TLE1: variants seen among roughly 807,000 people sequenced by gnomAD.
TLE1 encodes transducin-like enhancer protein 1.
In TLE1, 21 loss-of-function variants were observed where a neutral mutation model predicts 89.8. The observed-to-expected ratio is 0.23, with a 90% confidence interval of 0.17 to 0.34. The LOEUF (loss-of-function observed/expected upper bound fraction) is 0.34, where lower values mean the gene tolerates loss of function less well. TLE1 is among the 10% of genes least tolerant of loss of function. The pLI, the probability that TLE1 is intolerant of heterozygous loss-of-function variation, is 1.00. For synonymous variants in TLE1, 447 were observed against 407.6 expected (o/e 1.10, Z -1.16); for missense variants, 795 against 1,031.2 (o/e 0.77, Z 3.14).
At chr9:81,685,788 C>T in intron 3 of TLE1, 45 bp downstream of exon 3, 1 of 1,612,448 alleles carries the variant, frequency 6.2e-7, no homozygotes, top group Admixed American at 1.7e-5. Context: ...AACACGTTTG[C>T]TAATATCATA....
At position 81,587,673 on chromosome 9, in the gene TLE1, T is replaced by C. The variant is rs1564103397; in HGVS notation, c.1977+8A>G. ...AGACTCCAGGGCAGGCGGAAGCCAC[T>C]CAGTCACCTGGGAGGTGAAGTCGTG... is the stretch of plus-strand genomic sequence containing the variant. On this transcript the variant is annotated splice_region_variant and intron_variant, in intron 17 of 19. Transcript: ENST00000376499. The C allele has an allele frequency of 6.2e-7, 1 of 1,607,374 alleles. No homozygotes were observed. Among genetic ancestry groups the C allele is most frequent in the East Asian group, 2.2e-5 (1 of 44,778 alleles).
At chr9:81,639,552 T>C (rs1188688004) in intron 6 of TLE1, among the ~76,000 whole-genome samples, 1 of 152,022 alleles carries the variant, frequency 6.6e-6, no homozygotes, top group Non-Finnish European at 1.5e-5. Flanking sequence ...ATGCAAAAGT[T>C]TGTAAAGTGA....
intron 6 of TLE1, among the ~76,000 whole-genome samples, chr9:81,650,622 A>G (rs1490967821): frequency 1.3e-5 from 2 of 152,192 alleles, no homozygotes; most frequent in Admixed American, 6.5e-5. Context: ...AGGGTACAGA[A>G]GGCAGCAGAC....
intron 8 of TLE1, among the ~76,000 whole-genome samples, chr9:81,628,008 C>G (rs1250100799): frequency 6.6e-6 from 1 of 152,122 alleles, no homozygotes; most frequent in African/African-American, 2.4e-5. Flanking sequence ...CACTTGAAGC[C>G]AGGAATTCGA....
chr9:81,637,416 T>C (rs557888746), intron 6 of TLE1, among the ~76,000 whole-genome samples: 40 of 152,298 alleles, frequency 2.6e-4, no homozygotes, highest in African/African-American at 9.6e-4. Context: ...GAAGAGGTGA[T>C]GGCTTACATA....
chr9:81,601,287 C>T (rs916554635), intron 14 of TLE1, among the ~76,000 whole-genome samples: 1 of 152,212 alleles, frequency 6.6e-6, no homozygotes, highest in African/African-American at 2.4e-5. Flanking sequence ...GAAAGGGTCT[C>T]TAATCACTGC....
chr9:81,589,528 G>A (rs746970030), intron 16 of TLE1, among the ~76,000 whole-genome samples: 13 of 152,104 alleles, frequency 8.5e-5, no homozygotes, highest in African/African-American at 1.9e-4. Flanking sequence ...CCCAGGAGCC[G>A]GCACGGAGCA....
At chr9:81,625,905 A>C (rs1309326999) in intron 8 of TLE1, among the ~76,000 whole-genome samples, 2 of 111,440 alleles carry the variant, frequency 1.8e-5, no homozygotes, top group African/African-American at 7.0e-5. Flanking sequence ...TAACCTCAGA[A>C]ACTACTAAAA....
At chr9:81,645,855 T>G (rs1372875097) in intron 6 of TLE1, among the ~76,000 whole-genome samples, 1 of 152,250 alleles carries the variant, frequency 6.6e-6, no homozygotes, top group African/African-American at 2.4e-5. Context: ...ACATCTCCTG[T>G]ACCTCATAAA....
intron 17 of TLE1, 147 bp from the exon 18 acceptor site, chr9:81,585,802 C>T: frequency 1.1e-6 from 1 of 950,826 alleles, no homozygotes; most frequent in Non-Finnish European, 1.5e-6. Context: ...GGCAAGTGAT[C>T]TAACGCAGAT....
At chr9:81,590,736 G>A in intron 16 of TLE1, 69 bp downstream of exon 16, 1 of 1,565,520 alleles carries the variant, frequency 6.4e-7, no homozygotes, top group Non-Finnish European at 8.7e-7. Flanking sequence ...GGCAGCCAGA[G>A]AGAAGCAGAG....
chr9:81,662,339 TGTTA>T (rs1564048638), intron 4 of TLE1, among the ~76,000 whole-genome samples: 1 of 150,124 alleles, frequency 6.7e-6, no homozygotes, highest in South Asian at 2.1e-4. Context: ...GGAGACACGG[TGTTA>T]GTATTAGTGT....
intron 17 of TLE1, among the ~76,000 whole-genome samples, chr9:81,586,063 G>A (rs11139332): frequency 0.086 from 12,767 of 148,724 alleles, 737 homozygotes; most frequent in Admixed American, 0.12. Context: ...TGTCGCCCAG[G>A]CTGGAGTGAA....
intron 4 of TLE1, among the ~76,000 whole-genome samples, chr9:81,659,723 C>T (rs1485919937): frequency 6.6e-6 from 1 of 152,150 alleles, no homozygotes; most frequent in Admixed American, 6.5e-5. Flanking sequence ...GGGTTTGCAT[C>T]TTGGCAAACT....
intron 6 of TLE1, among the ~76,000 whole-genome samples, chr9:81,647,537 G>A (rs1172456571): frequency 6.6e-6 from 1 of 152,168 alleles, no homozygotes; most frequent in Non-Finnish European, 1.5e-5. Context: ...AGACAAAGGA[G>A]GAGGTGCACT....
At chr9:81,615,378 A>G (rs140929076) in intron 11 of TLE1, among the ~76,000 whole-genome samples, 36 of 151,224 alleles carry the variant, frequency 2.4e-4, no homozygotes, top group African/African-American at 8.5e-4. Flanking sequence ...GTCAACTGGG[A>G]AGTTTCAGAG....
chr9:81,687,063 G>A lies in TLE1; in HGVS notation c.125+271C>T, dbSNP rs906317518. On this transcript the variant is annotated intron_variant, in intron 2 of 19. Transcript: ENST00000376499. Reference sequence around the variant, plus strand: ...AAATACATGAAGTGCAAATATTGACGATTCTCATGCAACTCCTAAAGACAT... The same window carrying A: ...AAATACATGAAGTGCAAATATTGACAATTCTCATGCAACTCCTAAAGACAT... Among the ~76,000 whole-genome samples the A allele has an allele frequency of 5.3e-5, 8 of 152,156 alleles. No individual in the cohort carries two copies. The East Asian group carries it at 5.8e-4, about 11-fold the overall frequency.
intron 14 of TLE1, among the ~76,000 whole-genome samples, chr9:81,605,493 C>G (rs1171707692): frequency 1.3e-5 from 2 of 152,166 alleles, no homozygotes; most frequent in African/African-American, 4.8e-5. Flanking sequence ...AGCACTGCCT[C>G]AGGCAATATT....
intron 15 of TLE1, among the ~76,000 whole-genome samples, chr9:81,591,957 C>T (rs940647648): frequency 6.6e-6 from 1 of 152,214 alleles, no homozygotes; most frequent in African/African-American, 2.4e-5. Context: ...CCATCTGCAA[C>T]AGCAGAGTGC....
Sources: allele counts gnomAD v4.1 joint callset (sites outside exome capture counted in the v4.1 genomes callset), GRCh38; gene constraint gnomAD v4.1.1; transcripts MANE v1.5; gene names NCBI Gene and HGNC (gene_info 2026-07-23, HGNC 2026-07-21).